GPC5: variants seen among roughly 807,000 people sequenced by gnomAD.
GPC5 encodes glypican-5.
Under a neutral mutation model 53.9 loss-of-function variants are expected in GPC5, and 47 were observed. The ratio of observed to expected loss-of-function variants is 0.87; its 90% CI spans 0.69 to 1.11. The LOEUF is 1.11. GPC5 is among the 50% of genes most tolerant of loss of function. The pLI is 0.00. For synonymous variants in GPC5, 286 were observed against 263.3 expected (o/e 1.09, Z -0.84); for missense variants, 748 against 713.1 (o/e 1.05, Z -0.56).
intron 4 of GPC5, among the ~76,000 whole-genome samples, chr13:91,754,679 A>C (rs1247673311): frequency 6.6e-6 from 1 of 152,148 alleles, no homozygotes; most frequent in Non-Finnish European, 1.5e-5. Flanking sequence ...AAAAAGAATT[A>C]GTCTGCTTCC....
intron 7 of GPC5, among the ~76,000 whole-genome samples, chr13:92,162,444 T>A (rs569444924): frequency 7.2e-5 from 11 of 152,178 alleles, no homozygotes; most frequent in Non-Finnish European, 1.6e-4. Context: ...GAAAAGCAGA[T>A]CTTGTGGGAA....
intron 6 of GPC5, among the ~76,000 whole-genome samples, chr13:91,952,814 T>C (rs1262627475): frequency 1.3e-5 from 2 of 152,142 alleles, no homozygotes; most frequent in Non-Finnish European, 2.9e-5. Context: ...TTGGCTAAAC[T>C]GAAACTGTGA....
chr13:92,398,785 C>T (rs908703383), intron 7 of GPC5, among the ~76,000 whole-genome samples: 3 of 152,084 alleles, frequency 2.0e-5, no homozygotes, highest in African/African-American at 4.8e-5. Context: ...AATGGTACAA[C>T]CATAGTTGCA....
At chr13:91,822,681 C>A (rs1213482411) in intron 5 of GPC5, among the ~76,000 whole-genome samples, 2 of 151,904 alleles carry the variant, frequency 1.3e-5, no homozygotes, top group Non-Finnish European at 2.9e-5. Context: ...TCCCATGACA[C>A]GTGGGGATTA....
intron 7 of GPC5, among the ~76,000 whole-genome samples, chr13:92,175,791 G>GA (rs68046649): frequency 0.012 from 1,778 of 148,410 alleles, 36 homozygotes; most frequent in African/African-American, 0.038. Flanking sequence ...ATTCCTCAAA[G>GA]AAAAAAAAAA....
At position 91,693,326 on chromosome 13, in the gene GPC5, G is replaced by C. The variant is rs578139490; in HGVS notation, c.465G>C (p.Ala155=). ...ATGTGGGGCTGTATTTATTTGGTGC[G>C]GATGTTAATCCTGAAGAATTTGTAA... ...FTDVGLYLFG[A]DVNPEEFVNR... Residue 155 remains alanine, a synonymous_variant, in exon 3 of 8, where the codon GCG becomes GCC. Coordinates refer to ENST00000377067, the MANE Select transcript of GPC5 (RefSeq NM_004466.6). 24 of 1,614,054 alleles carry C rather than the reference G, an allele frequency of 1.5e-5. No homozygotes were observed. Among genetic ancestry groups the C allele is most frequent in the Non-Finnish European group, 1.9e-5 (23 of 1,180,006 alleles).
intron 7 of GPC5, among the ~76,000 whole-genome samples, chr13:92,777,622 C>T (rs907019770): frequency 1.3e-5 from 2 of 152,070 alleles, no homozygotes; most frequent in Non-Finnish European, 2.9e-5. Context: ...CGTCTCAAAA[C>T]AAAACAAAAC....
chr13:92,646,395 A>G (rs1285397588), intron 7 of GPC5, among the ~76,000 whole-genome samples: 1 of 152,138 alleles, frequency 6.6e-6, no homozygotes, highest in Non-Finnish European at 1.5e-5. Context: ...CTTTACCTCA[A>G]TGCAACCCTA....
intron 2 of GPC5, among the ~76,000 whole-genome samples, chr13:91,602,830 T>C (rs1054930176): frequency 1.3e-5 from 2 of 152,228 alleles, no homozygotes; most frequent in African/African-American, 2.4e-5. Flanking sequence ...AATAATCTTT[T>C]TTCTTCATTT....
At chr13:92,344,808 C>T (rs1181490544) in intron 7 of GPC5, among the ~76,000 whole-genome samples, 5 of 152,092 alleles carry the variant, frequency 3.3e-5, no homozygotes, top group African/African-American at 1.2e-4. Context: ...TTTCCATAGT[C>T]AAACTTTTGA....
chr13:92,124,102 T>C (rs746121947), intron 6 of GPC5, among the ~76,000 whole-genome samples: 1 of 150,712 alleles, frequency 6.6e-6, no homozygotes, highest in Non-Finnish European at 1.5e-5. Context: ...TAAATAACCA[T>C]CCTTACTACA....
chr13:92,289,330 T>C (rs1369511591), intron 7 of GPC5, among the ~76,000 whole-genome samples: 1 of 151,988 alleles, frequency 6.6e-6, no homozygotes, highest in African/African-American at 2.4e-5. Flanking sequence ...TATTTCTTTC[T>C]ATAATAATGA....
chr13:91,438,334 GT>G (rs557981126), intron 1 of GPC5, among the ~76,000 whole-genome samples: 116 of 152,254 alleles, frequency 7.6e-4, no homozygotes, highest in African/African-American at 2.6e-3. Flanking sequence ...TACAAATGGG[GT>G]TTTGGTGTGG....
intron 7 of GPC5, among the ~76,000 whole-genome samples, chr13:92,331,411 A>G (rs1346532789): frequency 6.6e-6 from 1 of 152,176 alleles, no homozygotes. Context: ...AAGTTGATGA[A>G]TGCCGAAATT....
intron 7 of GPC5, among the ~76,000 whole-genome samples, chr13:92,731,583 T>C (rs1213954744): frequency 3.3e-5 from 5 of 151,456 alleles, no homozygotes; most frequent in African/African-American, 1.2e-4. Context: ...ATGAAGCTCC[T>C]AGAGAGATTA....
chr13:91,955,122 A>G (rs1178444764), intron 6 of GPC5, among the ~76,000 whole-genome samples: 1 of 152,184 alleles, frequency 6.6e-6, no homozygotes, highest in Non-Finnish European at 1.5e-5. Flanking sequence ...CCTGGACTAG[A>G]AAACTCAATA....
chr13:91,989,927 A>G (rs890526862), intron 6 of GPC5, among the ~76,000 whole-genome samples: 1 of 152,168 alleles, frequency 6.6e-6, no homozygotes, highest in Non-Finnish European at 1.5e-5. Context: ...GGATAAGTGA[A>G]GAGAATTAAA....
At chr13:92,494,456 G>A (rs1032813597) in intron 7 of GPC5, among the ~76,000 whole-genome samples, 9 of 152,098 alleles carry the variant, frequency 5.9e-5, no homozygotes, top group Non-Finnish European at 1.2e-4. Context: ...ATCCTTGAAA[G>A]GAAATCATAA....
At chr13:91,651,047 G>A (rs1410941846) in intron 2 of GPC5, among the ~76,000 whole-genome samples, 1 of 152,004 alleles carries the variant, frequency 6.6e-6, no homozygotes, top group African/African-American at 2.4e-5. Context: ...TTTGGCAAGA[G>A]TTTTATGAGA....
Sources: allele counts gnomAD v4.1 joint callset (sites outside exome capture counted in the v4.1 genomes callset), GRCh38; gene constraint gnomAD v4.1.1; transcripts MANE v1.5; gene names NCBI Gene and HGNC (gene_info 2026-07-23, HGNC 2026-07-21).